The following INTS8 variants were observed in gnomAD, a reference collection of about 807,000 sequenced individuals.
INTS8 encodes the protein protein kaonashi-1.
INTS8 carries 47 observed loss-of-function variants against 138.9 expected under a neutral mutation model. That is an observed-to-expected ratio of 0.34 (90% confidence interval 0.27 to 0.43). INTS8 has a LOEUF of 0.43. INTS8 is among the 20% of genes least tolerant of loss of function. The pLI is 1.00. For missense variants in INTS8, 996 were observed against 1,173.0 expected, an observed-to-expected ratio of 0.85 and a Z score of 2.20; for synonymous variants, 392 against 400.9, an observed-to-expected ratio of 0.98 and a Z score of 0.27.
At chr8:94,875,963 A>G (rs117679335) in intron 23 of INTS8, 111 bp from the exon 24 acceptor site, 66 of 755,854 alleles carry the variant, frequency 8.7e-5, no homozygotes, top group Non-Finnish European at 1.5e-4. Flanking sequence ...ATCCATAACT[A>G]TGAGCGGATT....
At chr8:94,844,721 A>G (rs1815266283) in intron 10 of INTS8, among the ~76,000 whole-genome samples, 2 of 148,498 alleles carry the variant, frequency 1.3e-5, no homozygotes, top group South Asian at 4.3e-4. Flanking sequence ...AATATTGCAG[A>G]TATCTTCACT....
intron 15 of INTS8, among the ~76,000 whole-genome samples, chr8:94,857,791 T>C (rs897432091): frequency 6.6e-6 from 1 of 152,242 alleles, no homozygotes; most frequent in African/African-American, 2.4e-5. Flanking sequence ...GACTTCATCA[T>C]AGCTAATTAC....
intron 15 of INTS8, among the ~76,000 whole-genome samples, chr8:94,857,190 A>G (rs987429805): frequency 6.7e-6 from 1 of 148,846 alleles, no homozygotes; most frequent in African/African-American, 2.5e-5. Context: ...CTCCTGCCTC[A>G]GCCTCCTCAG....
chr8:94,825,147 T>A (rs1446846586), intron 2 of INTS8, 80 bp downstream of exon 2: 1 of 1,032,948 alleles, frequency 9.7e-7, no homozygotes, highest in African/African-American at 1.6e-5. Flanking sequence ...TTTTATGATA[T>A]CGGCTCTTAA....
At chr8:94,854,908 ATT>A (rs35252211) in intron 14 of INTS8, among the ~76,000 whole-genome samples, 14 of 135,710 alleles carry the variant, frequency 1.0e-4, no homozygotes, top group African/African-American at 1.1e-4. Flanking sequence ...ATTTGAAAGA[ATT>A]TTTTTTTTTT....
intron 11 of INTS8, 133 bp from the exon 12 acceptor site, chr8:94,849,771 AATTTTAAAATCT>A: frequency 1.6e-6 from 1 of 622,940 alleles, no homozygotes; most frequent in Non-Finnish European, 2.6e-6. Context: ...ACCAAAGGGA[AATTTTAAAATCT>A]ATTTTAAAAT....
Position 94,827,363 on chromosome 8 carries a change from C to A in INTS8, c.406C>A (p.Pro136Thr). ...TGTAGACATGGATCTGGCCACTTTA[C>A]CTCCGACCACTGCCATGGCTGTACT... ...KHVDMDLATLPPTTAMAVLLY... is the reference protein window; with the variant it reads ...KHVDMDLATLTPTTAMAVLLY... The change falls in exon 3 of 27, where the codon CCT becomes ACT. Residue 136 changes from proline (P) to threonine (T), a missense_variant. Transcript: ENST00000523731. 3.1e-6 allele frequency: 5 copies of A among 1,614,180 alleles called. No homozygotes were observed. Among genetic ancestry groups the A allele is most frequent in the Non-Finnish European group, 4.2e-6 (5 of 1,180,008 alleles).
At position 94,876,463 on chromosome 8, in the gene INTS8, G is replaced by A. The variant is rs1816568050; in HGVS notation, c.2845G>A (p.Gly949Arg). Residue 949 changes from glycine to arginine, a missense_variant, in exon 26 of 27, where the codon GGA (glycine) becomes AGA (arginine). Coordinates refer to ENST00000523731, the MANE Select transcript of INTS8 (RefSeq NM_017864.4). ...TTCATTAGATCTTCATCATAAAAGA[G>A]GAGAAACAGATAAAAGACAAATTGC... is the stretch of plus-strand genomic sequence containing the variant. ...EYLTYLHHKR[G>R]ETDKRQIAIK... 2 of 1,553,864 alleles carry A rather than the reference G, an allele frequency of 1.3e-6. No homozygotes were observed. Among genetic ancestry groups the A allele is most frequent in the Admixed American group, 1.7e-5 (1 of 58,424 alleles).
intron 20 of INTS8, among the ~76,000 whole-genome samples, chr8:94,868,198 G>A (rs1816253378): frequency 6.6e-6 from 1 of 152,118 alleles, no homozygotes; most frequent in African/African-American, 2.4e-5. Context: ...AAGAAATCAT[G>A]TACATTTTTC....
At chr8:94,858,725 C>T (rs1228425541) in intron 15 of INTS8, among the ~76,000 whole-genome samples, 2 of 152,202 alleles carry the variant, frequency 1.3e-5, no homozygotes, top group African/African-American at 4.8e-5. Flanking sequence ...CAGGAAGAGA[C>T]AGAACTATGA....
intron 2 of INTS8, among the ~76,000 whole-genome samples, chr8:94,826,973 C>T (rs889798700): frequency 2.6e-5 from 4 of 151,886 alleles, no homozygotes; most frequent in South Asian, 2.1e-4. Context: ...GGCATGGTGG[C>T]GGGCGCCTGT....
At chr8:94,872,147 G>T (rs1162211743) in intron 21 of INTS8, 145 bp downstream of exon 21, 1 of 555,068 alleles carries the variant, frequency 1.8e-6, no homozygotes, top group Non-Finnish European at 3.2e-6. Context: ...AAAAGTATTT[G>T]TACTTTTTTT....
rs150639967 is a variant in INTS8 at position 94,840,413 on chromosome 8, C to T, written c.1018-1078C>T. Among the ~76,000 whole-genome samples, 367 of 152,258 alleles carry T rather than the reference C, an allele frequency of 2.4e-3. 1 individual carries two copies. Among genetic ancestry groups the T allele is most frequent in the African/African-American group, 8.1e-3 (338 of 41,538 alleles). On this transcript the variant is annotated intron_variant, in intron 8 of 26. Transcript: ENST00000523731. ...GTTAACACCCTTTCTTTCTTTCCTGCTCTTCCATTCTTGAGAAGTAGCTAA... is the reference window on the plus strand; with the variant it reads ...GTTAACACCCTTTCTTTCTTTCCTGTTCTTCCATTCTTGAGAAGTAGCTAA...
At chr8:94,874,457 C>T in intron 22 of INTS8, 95 bp from the exon 23 acceptor site, 1 of 733,320 alleles carries the variant, frequency 1.4e-6, no homozygotes, top group Non-Finnish European at 2.5e-6. Context: ...CCTCCACACA[C>T]AGCTTCCTCT....
chr8:94,873,563 C>A, intron 22 of INTS8, 86 bp downstream of exon 22: 1 of 791,228 alleles, frequency 1.3e-6, no homozygotes, highest in South Asian at 1.5e-5. Context: ...TTACCCATTT[C>A]CTTGTAATGT....
At chr8:94,827,231 A>G (rs1814542839) in intron 2 of INTS8, 32 bp from the exon 3 acceptor site, 2 of 1,595,496 alleles carry the variant, frequency 1.3e-6, no homozygotes, top group Admixed American at 1.7e-5. Context: ...TTCACAATTA[A>G]TGTGCAAACA....
At chr8:94,827,591 G>T in intron 3 of INTS8, 131 bp from the exon 4 acceptor site, 2 of 1,010,682 alleles carry the variant, frequency 2.0e-6, no homozygotes, top group East Asian at 2.4e-5. Context: ...AAATGTGGAT[G>T]ACTTATGCAG....
At chr8:94,850,351 G>A (rs576764693) in intron 12 of INTS8, among the ~76,000 whole-genome samples, 21 of 152,268 alleles carry the variant, frequency 1.4e-4, no homozygotes, top group African/African-American at 5.1e-4. Context: ...GGTGGCTCAC[G>A]CCTGTAATCC....
At chr8:94,857,965 T>TA in intron 15 of INTS8, among the ~76,000 whole-genome samples, 1 of 152,370 alleles carries the variant, frequency 6.6e-6, no homozygotes, top group East Asian at 1.9e-4. Flanking sequence ...ATTTCCTTGT[T>TA]ACAGCCATAA....
Sources: allele counts gnomAD v4.1 joint callset (sites outside exome capture counted in the v4.1 genomes callset), GRCh38; gene constraint gnomAD v4.1.1; transcripts MANE v1.5; gene names NCBI Gene and HGNC (gene_info 2026-07-23, HGNC 2026-07-21).